CYLC2: variants seen among roughly 807,000 people sequenced by gnomAD.
CYLC2 encodes the protein cylicin 2, also known as cylicin-2.
Under a neutral mutation model 26.1 loss-of-function variants are expected in CYLC2, and 30 were observed. The observed-to-expected ratio is 1.15, with a 90% CI of 0.86 to 1.56. The LOEUF (loss-of-function observed/expected upper bound fraction) is 1.56. CYLC2 is among the 40% of genes most tolerant of loss of function. The probability of loss-of-function intolerance (pLI) is 0.00; values close to 1 mark genes in which losing one functional copy is unlikely to be tolerated. For missense variants in CYLC2, 498 were observed against 394.4 expected (o/e 1.26, Z -2.23); for synonymous variants, 158 against 132.8 (o/e 1.19, Z -1.31).
rs1315309895 is a variant in CYLC2, at chr9:103,000,623, A to G, written c.18-955A>G. ...TTATTCAGCTAATACAAATTTTTAT[A>G]GCACGAAAAAATGTGCCACGTTTTA... On this transcript the variant is annotated intron_variant, in intron 1 of 7. Coordinates refer to ENST00000374798, the MANE Select transcript of CYLC2 (RefSeq NM_001340.5). Among the ~76,000 whole-genome samples the G allele has an allele frequency of 3.9e-5, 6 of 152,182 alleles. No homozygotes were observed. The East Asian group carries it at 1.2e-3, about 29-fold the overall frequency.
chr9:103,015,968 GTAAGTATATATACATACATATGTA>G, intron 6 of CYLC2, among the ~76,000 whole-genome samples: 1 of 149,964 alleles, frequency 6.7e-6, no homozygotes, highest in African/African-American at 2.4e-5. Context: ...TATATAATAT[GTAAGTATATATACATACATATGTA>G]TGTGTATATG....
chr9:103,001,634 A>G lies in CYLC2; in HGVS notation c.58+16A>G, dbSNP rs1306077875. 4.0e-6 allele frequency: 6 copies of G among 1,506,844 alleles called. No individual in the cohort carries two copies. Among genetic ancestry groups the G allele is most frequent in the South Asian group, 3.4e-5 (3 of 87,872 alleles). 93.3% of individuals were successfully genotyped at this position (1,506,844 alleles called of 1,614,324 possible). ...TACATTCCAGGTAAGAAAGCATTCA[A>G]TATTTATTACAAAACAGGTGTGCTT... is the stretch of plus-strand genomic sequence containing the variant. On this transcript the variant is annotated intron_variant, in intron 2 of 7. Coordinates refer to ENST00000374798, the MANE Select transcript of CYLC2 (RefSeq NM_001340.5).
chr9:102,997,525 T>C (rs183530645), intron 1 of CYLC2, among the ~76,000 whole-genome samples: 8 of 151,882 alleles, frequency 5.3e-5, no homozygotes, highest in African/African-American at 1.9e-4. Flanking sequence ...CTCTAGCAAA[T>C]ACAAGAAGAG....
intron 1 of CYLC2, among the ~76,000 whole-genome samples, chr9:103,001,173 GT>G (rs1829284728): frequency 6.6e-6 from 1 of 151,670 alleles, no homozygotes; most frequent in African/African-American, 2.4e-5. Flanking sequence ...GTGATACCTT[GT>G]TTCAAATTCA....
chr9:103,015,444 AAT>A (rs965136413), intron 6 of CYLC2, among the ~76,000 whole-genome samples: 11 of 137,572 alleles, frequency 8.0e-5, no homozygotes, highest in South Asian at 2.1e-4. Flanking sequence ...ATATATCATT[AAT>A]ATATATATTA....
chr9:103,005,459 G>T lies in CYLC2; in HGVS notation c.828G>T (p.Lys276Asn). The change falls in exon 5 of 8, where the codon AAG (lysine) becomes AAT (asparagine). Residue 276 changes from lysine (K) to asparagine (N), a missense_variant. Transcript: ENST00000374798. The part of the protein sequence containing the change: ...EIKKGKKDKK[K>N]PSSTDSDSKD... Reference sequence around the variant, plus strand: ...AAAAAGGTAAGAAAGATAAGAAGAAGCCCAGTAGTACAGACAGTGACTCAA... The same window carrying T: ...AAAAAGGTAAGAAAGATAAGAAGAATCCCAGTAGTACAGACAGTGACTCAA... 6.2e-7 allele frequency: 1 copy of T among 1,613,302 alleles called. No individual in the cohort carries two copies. The highest frequency in any genetic ancestry group is 2.2e-5 in the East Asian group (1 of 44,850).
At chr9:103,014,053 CTATT>C (rs943622424) in intron 6 of CYLC2, among the ~76,000 whole-genome samples, 9 of 112,342 alleles carry the variant, frequency 8.0e-5, no homozygotes, top group Non-Finnish European at 1.5e-4. Context: ...CTTTATATAT[CTATT>C]TAATATTTCA....
chr9:102,995,358 C>T lies in CYLC2; in HGVS notation c.-23C>T. 1 of 1,597,666 alleles carries T rather than the reference C, an allele frequency of 6.3e-7. No individual in the cohort carries two copies. The highest frequency in any genetic ancestry group is 8.6e-7 in the Non-Finnish European group (1 of 1,165,982). The stretch of plus-strand genomic sequence containing the variant: ...AGTTTGAACTTACAATACTTAAGTC[C>T]TGGCAAGTCATAAGTGGGGAAAATG... On this transcript the variant is annotated 5_prime_UTR_variant, in exon 1 of 8. Coordinates refer to ENST00000374798, the MANE Select transcript of CYLC2 (RefSeq NM_001340.5).
intron 1 of CYLC2, among the ~76,000 whole-genome samples, chr9:102,998,359 T>A (rs978599865): frequency 2.0e-5 from 3 of 151,886 alleles, no homozygotes; most frequent in Non-Finnish European, 4.4e-5. Flanking sequence ...TATCTCAAAA[T>A]AAAAATAAGG....
intron 1 of CYLC2, among the ~76,000 whole-genome samples, chr9:102,996,134 G>T (rs1336176914): frequency 4.6e-5 from 7 of 151,686 alleles, no homozygotes; most frequent in Non-Finnish European, 7.4e-5. Context: ...GATAAAACAT[G>T]AATATTAAAA....
At position 103,004,719 on chromosome 9, in the gene CYLC2, G is replaced by T; in HGVS notation, c.205G>T (p.Gly69Ter). Residue 69 changes from glycine (G) to a stop codon, truncating the protein, a stop_gained, in exon 4 of 8, where the codon GGA (glycine) becomes TGA (stop). Transcript: ENST00000374798. LOFTEE classifies it high-confidence loss of function. ...GATAATTGATGAAGAACAATTAAGAGGAGATCGTAGACAACCATTATGGAT... is the reference window on the plus strand; with the variant it reads ...GATAATTGATGAAGAACAATTAAGATGAGATCGTAGACAACCATTATGGAT... ...VSIIDEEQLR[G>*]DRRQPLWMYR... 2 of 1,600,804 alleles carry T rather than the reference G, an allele frequency of 1.2e-6. No individual in the cohort carries two copies. The highest frequency in any genetic ancestry group is 1.7e-6 in the Non-Finnish European group (2 of 1,175,842).
chr9:103,005,805 T>C lies in CYLC2; in HGVS notation c.*127T>C, dbSNP rs930975245. The C allele has an allele frequency of 9.4e-7, 1 of 1,065,932 alleles. No individual in the cohort carries two copies. The highest frequency in any genetic ancestry group is 1.4e-6 in the Non-Finnish European group (1 of 735,178). 66.0% of individuals were successfully genotyped at this position (1,065,932 alleles called of 1,614,324 possible). ...AAAGAATTAAATAATTTTTAAAAGG[T>C]GGTAAAGAAGGATACAAAGGAGAAC... On this transcript the variant is annotated 3_prime_UTR_variant, in exon 5 of 8. Coordinates refer to ENST00000374798, the MANE Select transcript of CYLC2 (RefSeq NM_001340.5).
intron 1 of CYLC2, among the ~76,000 whole-genome samples, chr9:102,998,176 T>A (rs1250339172): frequency 6.6e-6 from 1 of 151,938 alleles, no homozygotes; most frequent in Non-Finnish European, 1.5e-5. Flanking sequence ...ATTACTGTGT[T>A]TCCTTATATA....
rs74534738 is a variant in CYLC2 at position 103,002,100 on chromosome 9, T to C, written c.58+482T>C. Reference sequence around the variant, plus strand: ...AATATAATTTTTTTCTGTACATTTTTCCCATTGTTCCTATTTTCTTTAGAA... The same window carrying C: ...AATATAATTTTTTTCTGTACATTTTCCCCATTGTTCCTATTTTCTTTAGAA... On this transcript the variant is annotated intron_variant, in intron 2 of 7. Transcript: ENST00000374798. Among the ~76,000 whole-genome samples, 765 of 152,232 alleles carry C rather than the reference T, an allele frequency of 5.0e-3. 8 individuals carry two copies. Among genetic ancestry groups the C allele is most frequent in the African/African-American group, 0.017 (714 of 41,564 alleles).
intron 5 of CYLC2, 56 bp downstream of exon 5, chr9:103,006,434 G>A (rs1412892390): frequency 1.3e-5 from 2 of 149,728 alleles, no homozygotes; most frequent in Admixed American, 6.6e-5. Flanking sequence ...TATTTTTTGA[G>A]ATGGAGTCTC....
At position 103,011,968 on chromosome 9, in the gene CYLC2, T is replaced by A; in HGVS notation, c.*701-14T>A. The A allele has an allele frequency of 7.1e-6, 1 of 139,940 alleles. No homozygotes were observed. The highest frequency in any genetic ancestry group is 2.7e-5 in the African/African-American group (1 of 37,206). The allele number at this position is 139,940 out of a possible 1,614,324, so 8.7% of individuals were successfully genotyped here. ...TTCTCTTTTTTTTTTTTTTTTTTTT[T>A]TTTTTTGATCGAGTCTCGCTCTGTT... On this transcript the variant is annotated splice_polypyrimidine_tract_variant and intron_variant, in intron 5 of 7. Coordinates refer to ENST00000374798, the MANE Select transcript of CYLC2 (RefSeq NM_001340.5).
intron 5 of CYLC2, among the ~76,000 whole-genome samples, chr9:103,009,261 A>G (rs1829381590): frequency 6.6e-6 from 1 of 152,022 alleles, no homozygotes; most frequent in Non-Finnish European, 1.5e-5. Context: ...CTGAGGTACA[A>G]TGGTGTGATC....
At chr9:103,001,544 A>G in intron 1 of CYLC2, 34 bp from the exon 2 acceptor site, 1 of 1,345,708 alleles carries the variant, frequency 7.4e-7, no homozygotes, top group Non-Finnish European at 1.1e-6. Flanking sequence ...TTTTTATATA[A>G]ATTAACTAAA....
At chr9:102,997,152 C>T (rs1435721680) in intron 1 of CYLC2, among the ~76,000 whole-genome samples, 1 of 151,808 alleles carries the variant, frequency 6.6e-6, no homozygotes, top group Admixed American at 6.6e-5. Flanking sequence ...ATCCTGGCAC[C>T]ACTCACATCG....
Sources: allele counts gnomAD v4.1 joint callset (sites outside exome capture counted in the v4.1 genomes callset), GRCh38; gene constraint gnomAD v4.1.1; transcripts MANE v1.5; gene names NCBI Gene and HGNC (gene_info 2026-07-23, HGNC 2026-07-21).